KASH5: variants seen among roughly 807,000 people sequenced by gnomAD.
KASH5 encodes the protein protein KASH5.
A neutral mutation model predicts 84.2 loss-of-function variants in KASH5; 72 were observed. The observed-to-expected ratio is 0.85, with a 90% CI of 0.71 to 1.04. The LOEUF (loss-of-function observed/expected upper bound fraction) is 1.04. KASH5 is among the 50% of genes least tolerant of loss of function. The pLI is 0.00. For missense variants in KASH5, 650 were observed against 701.0 expected, an observed-to-expected ratio of 0.93 and a Z score of 0.82; for synonymous variants, 260 against 279.1, an observed-to-expected ratio of 0.93 and a Z score of 0.68.
At chr19:49,389,074 C>T (rs1251367295) in intron 1 of KASH5, among the ~76,000 whole-genome samples, 2 of 149,140 alleles carry the variant, frequency 1.3e-5, no homozygotes, top group Non-Finnish European at 3.0e-5. Context: ...CAGTCAGACC[C>T]CTGCAGAAAT....
Position 49,417,394 on chromosome 19 carries a change from G to A in KASH5, c.1573G>A (p.Ala525Thr), listed in dbSNP as rs569354061. ...LRVTRHPLIP[A>T]PVLGLLLLLL... ...AGTCACTCGACATCCACTGATCCCA[G>A]CTCCTGTCCTGGGCCTGCTGCTGCT... The change falls in exon 20 of 20, where the codon GCT becomes ACT. Residue 525 changes from alanine to threonine, a missense_variant. By Grantham distance (58) the Ala-to-Thr change is moderately conservative. Transcript: ENST00000447857. This position sits in a 1 kb window ranked among gnomAD's most constrained non-coding sequence, Gnocchi z 5.2. 15 of 1,554,554 alleles carry A rather than the reference G, an allele frequency of 9.6e-6. No individual in the cohort carries two copies. In the Middle Eastern group the frequency reaches 1.2e-3, roughly 121 times the overall value.
Position 49,395,728 on chromosome 19 carries a change from G to A in KASH5, c.336-41G>A, listed in dbSNP as rs770535789. 7 of 1,540,732 alleles carry A rather than the reference G, an allele frequency of 4.5e-6. No individual in the cohort carries two copies. The highest frequency in any genetic ancestry group is 3.9e-5 in the Admixed American group (2 of 50,986). On this transcript the variant is annotated intron_variant, in intron 4 of 19. Transcript: ENST00000447857. The surrounding 1 kb of genome is among the most constrained non-coding windows in gnomAD (Gnocchi z 4.4). ...GCCTGTGGCTGGTGAGGACTGAGGG[G>A]CAGCTACAGTGGGGCGCTAAGCCTC...
intron 9 of KASH5, among the ~76,000 whole-genome samples, chr19:49,405,607 A>C (rs778723908): frequency 6.6e-6 from 1 of 152,162 alleles, no homozygotes; most frequent in African/African-American, 2.4e-5. Context: ...TGCTGGAGTA[A>C]CTACAGGTGA....
Position 49,399,238 on chromosome 19 carries a change from G to T in KASH5, c.747+96G>T. 2.7e-6 allele frequency: 3 copies of T among 1,118,812 alleles called. No homozygotes were observed. The highest frequency in any genetic ancestry group is 3.8e-6 in the Non-Finnish European group (3 of 787,662). 69.3% of individuals were successfully genotyped at this position (1,118,812 alleles called of 1,614,324 possible). On this transcript the variant is annotated intron_variant, in intron 8 of 19. Transcript: ENST00000447857. This position sits in a 1 kb window ranked among gnomAD's most constrained non-coding sequence, Gnocchi z 4.4. ...TGACTATGGAGTAGGAAGGGGCAGA[G>T]GTCACCTGGCTTTCTCCCTCTCTCC...
chr19:49,409,207 G>C lies in KASH5; in HGVS notation c.1070G>C (p.Gly357Ala), dbSNP rs1480661232. Residue 357 changes from glycine to alanine, a missense_variant, in exon 14 of 20, where the codon GGG becomes GCG. Gly to Ala is a moderately conservative substitution (Grantham distance 60). Coordinates refer to ENST00000447857, the MANE Select transcript of KASH5 (RefSeq NM_144688.5). ...TYEGPDELPE[G>A]AQLRRVGWTE... ...TCCTGTGTGGCCAGGCTACCTGAAG[G>C]GGCCCAGCTGAGAAGAGTGGGCTGG... 2 of 1,613,594 alleles carry C rather than the reference G, an allele frequency of 1.2e-6. No homozygotes were observed. The highest frequency in any genetic ancestry group is 3.3e-5 in the Admixed American group (2 of 60,022).
chr19:49,399,404 G>C lies in KASH5; in HGVS notation c.748-53G>C. ...TTCAGGGGTGGGAGAAGGGCAACAT[G>C]GGGGCAAGGAGGCTAGAAATGAAAC... is the stretch of plus-strand genomic sequence containing the variant. On this transcript the variant is annotated intron_variant, in intron 8 of 19. Coordinates refer to ENST00000447857, the MANE Select transcript of KASH5 (RefSeq NM_144688.5). This position sits in a 1 kb window ranked among gnomAD's most constrained non-coding sequence, Gnocchi z 4.4. 6.4e-7 allele frequency: 1 copy of C among 1,550,404 alleles called. No individual in the cohort carries two copies. The highest frequency in any genetic ancestry group is 8.8e-7 in the Non-Finnish European group (1 of 1,134,696).
intron 12 of KASH5, 94 bp downstream of exon 12, chr19:49,407,765 T>C (rs1470796098): frequency 1.6e-6 from 2 of 1,236,634 alleles, no homozygotes; most frequent in Non-Finnish European, 2.3e-6. Context: ...TGCCTCTTTG[T>C]CAGTGGCCAC....
intron 1 of KASH5, among the ~76,000 whole-genome samples, chr19:49,388,847 C>T (rs2146830656): frequency 6.6e-6 from 1 of 152,152 alleles, no homozygotes; most frequent in South Asian, 2.1e-4. Flanking sequence ...CCCCAAAATC[C>T]TATTACTCTC....
chr19:49,402,480 G>A (rs1054696949), intron 9 of KASH5, among the ~76,000 whole-genome samples: 1 of 152,142 alleles, frequency 6.6e-6, no homozygotes, highest in African/African-American at 2.4e-5. Context: ...GCCGAGATGG[G>A]TGGATCATTT....
intron 9 of KASH5, among the ~76,000 whole-genome samples, chr19:49,406,663 C>G (rs1974535463): frequency 6.6e-6 from 1 of 152,242 alleles, no homozygotes; most frequent in Admixed American, 6.5e-5. Flanking sequence ...GCGTGAGCCA[C>G]TGCGCGTGGC....
At chr19:49,410,454 C>G (rs1974673697) in intron 15 of KASH5, among the ~76,000 whole-genome samples, 1 of 150,726 alleles carries the variant, frequency 6.6e-6, no homozygotes, top group South Asian at 2.1e-4. Flanking sequence ...TCCCAAGTAG[C>G]TGGGATTACA....
At chr19:49,402,662 G>A (rs1054747116) in intron 9 of KASH5, among the ~76,000 whole-genome samples, 1 of 152,166 alleles carries the variant, frequency 6.6e-6, no homozygotes, top group African/African-American at 2.4e-5. Context: ...AGCTGAGATT[G>A]TGCCACCGCA....
chr19:49,395,760 T>C lies in KASH5; in HGVS notation c.336-9T>C, dbSNP rs1172617330. 1 of 1,555,724 alleles carries C rather than the reference T, an allele frequency of 6.4e-7. No individual in the cohort carries two copies. The highest frequency in any genetic ancestry group is 8.7e-7 in the Non-Finnish European group (1 of 1,149,994). On this transcript the variant is annotated splice_polypyrimidine_tract_variant and intron_variant, in intron 4 of 19. Coordinates refer to ENST00000447857, the MANE Select transcript of KASH5 (RefSeq NM_144688.5). The surrounding 1 kb of genome is among the most constrained non-coding windows in gnomAD (Gnocchi z 4.4). The stretch of plus-strand genomic sequence containing the variant: ...CAGTGGGGCGCTAAGCCTCATCCCT[T>C]TGATACAGGGGATTAGAGCTGGAAG...
At chr19:49,400,823 G>A (rs560590538) in intron 9 of KASH5, among the ~76,000 whole-genome samples, 24 of 152,232 alleles carry the variant, frequency 1.6e-4, no homozygotes, top group African/African-American at 3.6e-4. Flanking sequence ...TTCAAGCCCC[G>A]TTCCATCCAA....
At chr19:49,406,192 T>C (rs1344322541) in intron 9 of KASH5, among the ~76,000 whole-genome samples, 2 of 150,462 alleles carry the variant, frequency 1.3e-5, no homozygotes, top group African/African-American at 4.9e-5. Context: ...AGAAAATGCA[T>C]ATAATTATTG....
chr19:49,409,144 A>C (rs1348715299), intron 13 of KASH5, 52 bp from the exon 14 acceptor site: 1 of 1,598,574 alleles, frequency 6.3e-7, no homozygotes, highest in Admixed American at 1.7e-5. Flanking sequence ...GAGCTGACTG[A>C]GTGGCCACCA....
At chr19:49,388,814 C>T (rs190619929) in intron 1 of KASH5, among the ~76,000 whole-genome samples, 2 of 152,178 alleles carry the variant, frequency 1.3e-5, no homozygotes, top group African/African-American at 2.4e-5. Context: ...CAGACTTCTC[C>T]CTCAGAGCCT....
intron 15 of KASH5, among the ~76,000 whole-genome samples, chr19:49,411,988 C>G (rs563030256): frequency 6.7e-6 from 1 of 150,190 alleles, no homozygotes; most frequent in African/African-American, 2.5e-5. Flanking sequence ...AGGAAGCCAG[C>G]CTTTGAGGCA....
intron 1 of KASH5, among the ~76,000 whole-genome samples, chr19:49,388,917 C>G (rs965118759): frequency 6.6e-6 from 1 of 152,000 alleles, no homozygotes; most frequent in Admixed American, 6.6e-5. Flanking sequence ...CTGGCAGGTC[C>G]CCTCCCAAAC....
Sources: allele counts gnomAD v4.1 joint callset (sites outside exome capture counted in the v4.1 genomes callset), GRCh38; gene constraint gnomAD v4.1.1; non-coding constraint Gnocchi (gnomAD v3.1); transcripts MANE v1.5; gene names NCBI Gene and HGNC (gene_info 2026-07-23, HGNC 2026-07-21).